Variants in TGM1 observed in about 807,000 individuals in gnomAD.
The protein encoded by TGM1 is transglutaminase 1.
Under a neutral mutation model 88.7 loss-of-function variants are expected in TGM1, and 63 were observed. The ratio of observed to expected loss-of-function variants is 0.71; its 90% confidence interval spans 0.58 to 0.88. The LOEUF (loss-of-function observed/expected upper bound fraction) is 0.88, where lower values mean the gene tolerates loss of function less well. Ranked by LOEUF, TGM1 falls within the 40% of genes least tolerant of loss-of-function variation. TGM1 has a pLI of 0.00. For missense variants in TGM1, 996 were observed against 1,118.0 expected (o/e 0.89, Z 1.56); for synonymous variants, 415 against 431.1 (o/e 0.96, Z 0.46).
chr14:24,262,142 G>C lies in TGM1; in HGVS notation c.211C>G (p.Arg71Gly). ...CTTCGAGTGCCAGAGCTGGACCCTC[G>C]ACCCCTGGAGTCAGAGGGTTCAGGT... The part of the protein sequence containing the change: ...WGPEPSDSRG[R>G]GSSSGTRRPG... Residue 71 changes from arginine (R) to glycine (G), a missense_variant, in exon 2 of 15, where the codon CGA (arginine) becomes GGA (glycine). Arg to Gly is a moderately radical substitution (Grantham distance 125). Transcript: ENST00000206765. 6.2e-7 allele frequency: 1 copy of C among 1,613,574 alleles called. No individual in the cohort carries two copies. Among genetic ancestry groups the C allele is most frequent in the Non-Finnish European group, 8.5e-7 (1 of 1,180,010 alleles).
chr14:24,254,941 C>T (rs943024863), intron 12 of TGM1, 31 bp downstream of exon 12: 4 of 1,613,264 alleles, frequency 2.5e-6, no homozygotes, highest in African/African-American at 1.3e-5. Flanking sequence ...CCCAGCCATC[C>T]AGGGGGCAGG....
At chr14:24,261,567 G>A in intron 3 of TGM1, 128 bp downstream of exon 3, 1 of 1,208,532 alleles carries the variant, frequency 8.3e-7, no homozygotes, top group Non-Finnish European at 1.2e-6. Context: ...CCACACACTT[G>A]CACCTGCCTT....
rs142338588 is a variant in TGM1, at chr14:24,261,795, G to T, written c.408C>A (p.Tyr136Ter). The T allele has an allele frequency of 1.2e-6, 2 of 1,614,086 alleles. No homozygotes were observed. Among genetic ancestry groups the T allele is most frequent in the Non-Finnish European group, 1.7e-6 (2 of 1,180,020 alleles). ...RREHHTDEYE[Y>*]DELIVRRGQP... ...GCCCGCGGCGCACTATCAGCTCGTC[G>T]TACTCATACTCGTCTGTGTGGTGCT... The change falls in exon 3 of 15, where the codon TAC becomes TAA. Residue 136 changes from tyrosine to a stop codon, truncating the protein, a stop_gained. Coordinates refer to ENST00000206765, the MANE Select transcript of TGM1 (RefSeq NM_000359.3). LOFTEE classifies it high-confidence loss of function.
chr14:24,256,228 A>T, intron 9 of TGM1, 151 bp from the exon 10 acceptor site: 1 of 709,812 alleles, frequency 1.4e-6, no homozygotes, highest in South Asian at 1.5e-5. Context: ...ATCAGCCCTG[A>T]CCCAAACACT....
At position 24,261,804 on chromosome 14, in the gene TGM1, C is replaced by T. The variant is rs2139027720; in HGVS notation, c.399G>A (p.Glu133=). The stretch of plus-strand genomic sequence containing the variant: ...GCACTATCAGCTCGTCGTACTCATA[C>T]TCGTCTGTGTGGTGCTCTCGGCGGT... The part of the protein sequence containing the change: ...DQNRREHHTD[E]YEYDELIVRR... Residue 133 remains glutamate, a synonymous_variant, in exon 3 of 15, where the codon GAG becomes GAA. Transcript: ENST00000206765. The T allele has an allele frequency of 6.2e-7, 1 of 1,614,138 alleles. No homozygotes were observed. The highest frequency in any genetic ancestry group is 1.6e-4 in the Middle Eastern group (1 of 6,062).
At chr14:24,262,375 G>A in intron 1 of TGM1, 21 bp from the exon 2 acceptor site, 1 of 1,612,380 alleles carries the variant, frequency 6.2e-7, no homozygotes, top group Non-Finnish European at 8.5e-7. Flanking sequence ...GAGGCAGGGT[G>A]GCTCCTTAAC....
At position 24,262,510 on chromosome 14, in the gene TGM1, C is replaced by A. The variant is rs571165250; in HGVS notation, c.-2-156G>T. 3.3e-5 allele frequency among the ~76,000 whole-genome samples: 5 copies of A among 152,318 alleles called. No individual in the cohort carries two copies. In the East Asian group the frequency reaches 9.7e-4, roughly 29 times the overall value. On this transcript the variant is annotated intron_variant, in intron 1 of 14. Transcript: ENST00000206765. ...TCCAGACACATCCAGAGACCTTCCG[C>A]GAAGACCATTCAGACTCACCCAGAG...
At position 24,262,316 on chromosome 14, in the gene TGM1, C is replaced by G; in HGVS notation, c.37G>C (p.Gly13Arg). ...DGPRSDVGRW[G>R]GNPLQPPTTP... is the part of the protein sequence containing the mutation. ...GTAGGGGGCTGCAAGGGGTTGCCAC[C>G]CCAACGGCCCACATCGGAACGTGGC... The change falls in exon 2 of 15, where the codon GGT (glycine) becomes CGT (arginine). Residue 13 changes from glycine to arginine, a missense_variant. Transcript: ENST00000206765. 1 of 1,613,658 alleles carries G rather than the reference C, an allele frequency of 6.2e-7. No homozygotes were observed. The highest frequency in any genetic ancestry group is 8.5e-7 in the Non-Finnish European group (1 of 1,180,030).
Position 24,249,358 on chromosome 14 carries a change from AC to A in TGM1, c.2408del (p.Ser803IlefsTer3). 6.2e-7 allele frequency: 1 copy of A among 1,613,920 alleles called. No homozygotes were observed. The highest frequency in any genetic ancestry group is 1.3e-5 in the African/African-American group (1 of 74,964). On this transcript the variant is annotated frameshift_variant, in exon 15 of 15. Transcript: ENST00000206765. LOFTEE classifies it high-confidence loss of function. ...GGFFSDAGGD[S>X]HLGETIPMAS... ...CCATAGGGATGGTCTCTCCTAAGTG[AC>A]TGTCACCTCCAGCGTCTGAGAAGAA...
In TGM1 at chr14:24,261,689, A is replaced by G. The variant is rs1051338464; in HGVS notation, c.508+6T>C. 20 of 1,613,868 alleles carry G rather than the reference A, an allele frequency of 1.2e-5. No homozygotes were observed. Among genetic ancestry groups the G allele is most frequent in the Non-Finnish European group, 1.7e-5 (20 of 1,179,956 alleles). On this transcript the variant is annotated splice_donor_region_variant and intron_variant, in intron 3 of 14. Transcript: ENST00000206765. ...CTTCACCCGTCCCAATCCAAGCCCC[A>G]CTGACCGATGAGTAACTCAAGGGTG...
At chr14:24,257,926 G>A (rs1022936396) in intron 9 of TGM1, among the ~76,000 whole-genome samples, 20 of 151,946 alleles carry the variant, frequency 1.3e-4, no homozygotes, top group African/African-American at 4.8e-4. Context: ...ACTTTAAAAT[G>A]GTCCTTCAGT....
chr14:24,260,004 T>G lies in TGM1; in HGVS notation c.812A>C (p.Glu271Ala). ...GGTCCCGTAGTAAATTCTCCCAGACTCATTAAGAACATACTCCTGCCGCCA... is the reference window on the plus strand; with the variant it reads ...GGTCCCGTAGTAAATTCTCCCAGACGCATTAAGAACATACTCCTGCCGCCA... ...EDWRQEYVLNESGRIYYGTEA... is the reference protein window; with the variant it reads ...EDWRQEYVLNASGRIYYGTEA... The change falls in exon 5 of 15, where the codon GAG becomes GCG. Residue 271 changes from glutamate (E) to alanine (A), a missense_variant. Transcript: ENST00000206765. 1 of 1,614,114 alleles carries G rather than the reference T, an allele frequency of 6.2e-7. No homozygotes were observed. Among genetic ancestry groups the G allele is most frequent in the Non-Finnish European group, 8.5e-7 (1 of 1,180,024 alleles).
At chr14:24,257,435 T>C (rs1339485416) in intron 9 of TGM1, among the ~76,000 whole-genome samples, 2 of 152,244 alleles carry the variant, frequency 1.3e-5, no homozygotes, top group Non-Finnish European at 2.9e-5. Context: ...TTGGTTATAT[T>C]AACAGTAATT....
chr14:24,258,668 G>C lies in TGM1; in HGVS notation c.1165C>G (p.Arg389Gly). 1 of 1,614,200 alleles carries C rather than the reference G, an allele frequency of 6.2e-7. No homozygotes were observed. The highest frequency in any genetic ancestry group is 8.5e-7 in the Non-Finnish European group (1 of 1,180,002). The part of the protein sequence containing the change: ...VFAGVTTTVL[R>G]CLGLATRTVT... ...GTACGGGTGGCCAGACCCAGGCAGC[G>C]CAGCACTGTGGAGGAGCGAAGGTTG... Residue 389 changes from arginine to glycine, a missense_variant, in exon 8 of 15, where the codon CGC (arginine) becomes GGC (glycine). By Grantham distance (125) the Arg-to-Gly change is moderately radical (BLOSUM62 -2). Transcript: ENST00000206765.
Position 24,261,794 on chromosome 14 carries a change from C to G in TGM1, c.409G>C (p.Asp137His). 1 of 1,614,100 alleles carries G rather than the reference C, an allele frequency of 6.2e-7. No homozygotes were observed. Among genetic ancestry groups the G allele is most frequent in the Non-Finnish European group, 8.5e-7 (1 of 1,180,018 alleles). The change falls in exon 3 of 15, where the codon GAC becomes CAC. Residue 137 changes from aspartate to histidine, a missense_variant. Coordinates refer to ENST00000206765, the MANE Select transcript of TGM1 (RefSeq NM_000359.3). Reference sequence around the variant, plus strand: ...TGCCCGCGGCGCACTATCAGCTCGTCGTACTCATACTCGTCTGTGTGGTGC... The same window carrying G: ...TGCCCGCGGCGCACTATCAGCTCGTGGTACTCATACTCGTCTGTGTGGTGC... ...REHHTDEYEY[D>H]ELIVRRGQPF... is the part of the protein sequence containing the mutation.
At chr14:24,250,179 T>TGTGTGTGAAA (rs138497842) in intron 14 of TGM1, among the ~76,000 whole-genome samples, 135 of 140,804 alleles carry the variant, frequency 9.6e-4, no homozygotes, top group Non-Finnish European at 7.0e-4. Flanking sequence ...TGTGTGTGTG[T>TGTGTGTGAAA]GAGAGAGACA....
rs750925723 is a variant in TGM1 at position 24,254,756 on chromosome 14, G to C, written c.1996C>G (p.Leu666Val). The C allele has an allele frequency of 2.5e-6, 4 of 1,613,946 alleles. No individual in the cohort carries two copies. The Admixed American group carries it at 5.0e-5, about 20-fold the overall frequency. Residue 666 changes from leucine to valine, a missense_variant, in exon 13 of 15, where the codon CTG (leucine) becomes GTG (valine). Leu to Val is a conservative substitution (Grantham distance 32). Coordinates refer to ENST00000206765, the MANE Select transcript of TGM1 (RefSeq NM_000359.3). ...TTGACGTGGCCTGAGACATTGAGCA[G>C]CATGGCCCCCTGGTCCACAAGATGG... Reference protein sequence around the residue: ...RPHLVDQGAMLLNVSGHVKES... With the variant: ...RPHLVDQGAMVLNVSGHVKES...
In TGM1 at chr14:24,255,111, GA is replaced by G; in HGVS notation, c.1787del (p.Val596AlafsTer3). ...QDAVMGQDLM[V>X]SVMLINHSSS... is the part of the protein sequence containing the mutation. ...TGCTGTGATTGATCAGCATCACAGA[GA>G]CCATCAGATCCTGCCCCATCACCGC... On this transcript the variant is annotated frameshift_variant, in exon 12 of 15. Transcript: ENST00000206765. LOFTEE classifies it high-confidence loss of function. This position sits in a 1 kb window ranked among gnomAD's most constrained non-coding sequence, Gnocchi z 4.0. The G allele has an allele frequency of 6.2e-7, 1 of 1,614,148 alleles. No individual in the cohort carries two copies. The highest frequency in any genetic ancestry group is 1.1e-5 in the South Asian group (1 of 91,084).
rs1192750283 is a variant in TGM1, at chr14:24,254,160, G to C, written c.2217C>G (p.Leu739=). Reference sequence around the variant, plus strand: ...GGAGAGGCCAGACTCACCCAACGTTGAGGATCTTGGGCCTCTGTAACCCAG... The same window carrying C: ...GGAGAGGCCAGACTCACCCAACGTTCAGGATCTTGGGCCTCTGTAACCCAG... ...EGSGLQRPKI[L]NVGDIGGNET... Residue 739 remains leucine, a synonymous_variant, in exon 14 of 15, where the codon CTC becomes CTG. Transcript: ENST00000206765. 2 of 1,611,836 alleles carry C rather than the reference G, an allele frequency of 1.2e-6. No individual in the cohort carries two copies. Among genetic ancestry groups the C allele is most frequent in the Non-Finnish European group, 1.7e-6 (2 of 1,178,988 alleles).
Sources: gnomAD v4.1 joint callset for allele counts (sites outside exome capture counted in the v4.1 genomes callset) on GRCh38, gnomAD v4.1.1 for gene constraint, Gnocchi (gnomAD v3.1) non-coding constraint, MANE v1.5 for transcripts, NCBI Gene and HGNC (gene_info 2026-07-23, HGNC 2026-07-21) for gene names.